The following CSMD1 variants were observed in gnomAD, a reference collection of about 807,000 sequenced individuals.
CSMD1 encodes CUB and Sushi multiple domains 1, also known as CUB and sushi domain-containing protein 1.
Under a neutral mutation model 417.5 loss-of-function variants are expected in CSMD1, and 213 were observed. The observed-to-expected ratio is 0.51, with a 90% CI of 0.46 to 0.57. The LOEUF (loss-of-function observed/expected upper bound fraction) is 0.57, where lower values mean the gene tolerates loss of function less well. Among genes scored for constraint, CSMD1 ranks in the 20% least tolerant of loss-of-function variants. The pLI, the probability that CSMD1 is intolerant of heterozygous loss-of-function variation, is 0.00. For synonymous variants in CSMD1, 2,862 were observed against 1,736.8 expected, an observed-to-expected ratio of 1.65 and a Z score of -16.11; for missense variants, 6,923 against 4,529.7, an observed-to-expected ratio of 1.53 and a Z score of -15.17.
At chr8:3,500,824 G>C (rs1206696092) in intron 10 of CSMD1, among the ~76,000 whole-genome samples, 1 of 152,172 alleles carries the variant, frequency 6.6e-6, no homozygotes, top group Non-Finnish European at 1.5e-5. Flanking sequence ...GGCAGAATGG[G>C]ATGTGAGGAA....
intron 3 of CSMD1, among the ~76,000 whole-genome samples, chr8:4,197,255 A>G (rs931167027): frequency 6.6e-6 from 1 of 152,196 alleles, no homozygotes; most frequent in Admixed American, 6.5e-5. Context: ...GTATAACCAG[A>G]TAGATTTTCA....
In CSMD1 at chr8:4,909,175, T is replaced by G. The variant is rs1006443659; in HGVS notation, c.85+85157A>C. On this transcript the variant is annotated intron_variant, in intron 1 of 69. Transcript: ENST00000635120. ...CTGTCCCTGGCAGGGCCTTCTGCTG[T>G]AATCCACTCTTATAATGCAGGAGGC... Among the ~76,000 whole-genome samples, 56 of 152,270 alleles carry G rather than the reference T, an allele frequency of 3.7e-4. 1 individual carries two copies. The highest frequency in any genetic ancestry group is 1.2e-3 in the African/African-American group (50 of 41,552).
chr8:4,546,713 T>G (rs1425607273), intron 2 of CSMD1, among the ~76,000 whole-genome samples: 1 of 152,160 alleles, frequency 6.6e-6, no homozygotes, highest in Admixed American at 6.6e-5. Flanking sequence ...TCCGCCTTCA[T>G]AATCATAGCT....
intron 1 of CSMD1, among the ~76,000 whole-genome samples, chr8:4,878,089 A>G (rs1803161880): frequency 6.6e-6 from 1 of 152,126 alleles, no homozygotes; most frequent in South Asian, 2.1e-4. Flanking sequence ...TTGTCTGAGT[A>G]TGTGACCAGT....
chr8:4,063,887 A>G (rs774103706), intron 3 of CSMD1, among the ~76,000 whole-genome samples: 3 of 152,232 alleles, frequency 2.0e-5, no homozygotes, highest in African/African-American at 4.8e-5. Flanking sequence ...CGTAGCTGAA[A>G]TATCAAATCG....
chr8:3,161,583 G>A (rs199834543), intron 38 of CSMD1, among the ~76,000 whole-genome samples: 9 of 140,604 alleles, frequency 6.4e-5, no homozygotes, highest in Non-Finnish European at 9.0e-5. Context: ...AGATCATGCC[G>A]CTGCACTCCA....
At chr8:3,335,593 C>A (rs1807207081) in intron 23 of CSMD1, among the ~76,000 whole-genome samples, 1 of 152,288 alleles carries the variant, frequency 6.6e-6, no homozygotes, top group Middle Eastern at 3.4e-3. Context: ...AGGAGAATCG[C>A]TTGAACCTGA....
At chr8:4,108,009 C>A (rs78373767) in intron 3 of CSMD1, among the ~76,000 whole-genome samples, 8 of 150,874 alleles carry the variant, frequency 5.3e-5, no homozygotes, top group Non-Finnish European at 8.8e-5. Context: ...AAGGGAAAGA[C>A]AGAAAGACTG....
chr8:4,564,715 A>G (rs1186363100), intron 2 of CSMD1, among the ~76,000 whole-genome samples: 1 of 152,222 alleles, frequency 6.6e-6, no homozygotes, highest in African/African-American at 2.4e-5. Context: ...TACCCTGATA[A>G]TAGTGAGGGC....
Position 3,790,483 on chromosome 8 carries a change from T to C in CSMD1, c.819-36441A>G, listed in dbSNP as rs1052402804. On this transcript the variant is annotated intron_variant, in intron 5 of 69. Transcript: ENST00000635120. ...GTAATGTTGATGGTGATGCTAATGA[T>C]GATGGTGAGAGTGATGGTAATTATG... 9.2e-5 allele frequency among the ~76,000 whole-genome samples: 14 copies of C among 152,172 alleles called. 1 individual carries two copies. The highest frequency in any genetic ancestry group is 1.9e-4 in the Non-Finnish European group (13 of 68,022).
chr8:4,315,872 A>C (rs1798894856), intron 3 of CSMD1, among the ~76,000 whole-genome samples: 1 of 152,292 alleles, frequency 6.6e-6, no homozygotes, highest in East Asian at 1.9e-4. Context: ...TCTTCTTAGT[A>C]AAATTTTAAA....
intron 2 of CSMD1, among the ~76,000 whole-genome samples, chr8:4,597,814 G>A (rs941394170): frequency 6.6e-6 from 1 of 152,148 alleles, no homozygotes; most frequent in South Asian, 2.1e-4. Context: ...ACAAGAGCTA[G>A]AAAGATGAGC....
chr8:4,235,755 GT>G lies in CSMD1; in HGVS notation c.415+184197del, dbSNP rs536209035. Among the ~76,000 whole-genome samples the G allele has an allele frequency of 2.0e-5, 3 of 152,234 alleles. No individual in the cohort carries two copies. In the South Asian group the frequency reaches 6.2e-4, roughly 32 times the overall value. On this transcript the variant is annotated intron_variant, in intron 3 of 69. Transcript: ENST00000635120. ...TGCAAGTGTAATGAGGAAAAAATGT[GT>G]CCCCCATCTGGACCCCTAGTCTTTT...
chr8:4,675,270 A>G (rs1805601335), intron 1 of CSMD1, among the ~76,000 whole-genome samples: 1 of 152,178 alleles, frequency 6.6e-6, no homozygotes, highest in African/African-American at 2.4e-5. Flanking sequence ...TTCACTTCTT[A>G]TCTCTGAAGG....
At chr8:3,060,376 A>G (rs1812513824) in intron 49 of CSMD1, among the ~76,000 whole-genome samples, 1 of 151,562 alleles carries the variant, frequency 6.6e-6, no homozygotes, top group Non-Finnish European at 1.5e-5. Flanking sequence ...GAACTCCTGA[A>G]CTCCTTGAAC....
At chr8:4,331,687 T>A (rs1302882224) in intron 3 of CSMD1, among the ~76,000 whole-genome samples, 2 of 152,122 alleles carry the variant, frequency 1.3e-5, no homozygotes, top group Non-Finnish European at 2.9e-5. Context: ...CCCAGTTAGG[T>A]CATTTCAATG....
At chr8:3,400,018 TTG>T (rs1351385283) in intron 15 of CSMD1, among the ~76,000 whole-genome samples, 2 of 152,210 alleles carry the variant, frequency 1.3e-5, no homozygotes, top group Non-Finnish European at 2.9e-5. Flanking sequence ...AACATATTAT[TTG>T]TGAGTGTGAA....
chr8:3,535,222 G>C (rs542486601), intron 10 of CSMD1, among the ~76,000 whole-genome samples: 1 of 152,084 alleles, frequency 6.6e-6, no homozygotes, highest in African/African-American at 2.4e-5. Context: ...CCAAGCTCTA[G>C]GATTACAGGC....
intron 1 of CSMD1, among the ~76,000 whole-genome samples, chr8:4,722,091 T>C (rs954713948): frequency 6.6e-6 from 1 of 152,126 alleles, no homozygotes; most frequent in African/African-American, 2.4e-5. Flanking sequence ...AAATCTAATA[T>C]ATAGCATGAA....
Sources: gnomAD v4.1 joint callset for allele counts (sites outside exome capture counted in the v4.1 genomes callset) on GRCh38, gnomAD v4.1.1 for gene constraint, MANE v1.5 for transcripts, NCBI Gene and HGNC (gene_info 2026-07-23, HGNC 2026-07-21) for gene names.